Variants in CNTNAP5 observed in about 807,000 individuals in gnomAD.
CNTNAP5 encodes the protein contactin associated protein family member 5, also known as contactin-associated protein-like 5.
Under a neutral mutation model 150.2 loss-of-function variants are expected in CNTNAP5, and 72 were observed. The ratio of observed to expected loss-of-function variants is 0.48; its 90% CI spans 0.40 to 0.58. CNTNAP5 has a LOEUF of 0.58. Ranked by LOEUF, CNTNAP5 falls within the 20% of genes least tolerant of loss-of-function variation. The pLI, the probability that CNTNAP5 is intolerant of heterozygous loss-of-function variation, is 0.00. For synonymous variants in CNTNAP5, 672 were observed against 619.8 expected (o/e 1.08, Z -1.25); for missense variants, 1,636 against 1,626.2 (o/e 1.01, Z -0.10).
At chr2:124,340,782 T>C (rs1251041549) in intron 3 of CNTNAP5, among the ~76,000 whole-genome samples, 1 of 144,534 alleles carries the variant, frequency 6.9e-6, no homozygotes, top group South Asian at 2.1e-4. Flanking sequence ...ACTATATATA[T>C]ACACATACAT....
In CNTNAP5 at chr2:124,115,493, G is replaced by A. The variant is rs138548585; in HGVS notation, c.82+89761G>A. 7.7e-3 allele frequency among the ~76,000 whole-genome samples: 1,166 copies of A among 152,176 alleles called. 10 individuals are homozygous for A. Among genetic ancestry groups the A allele is most frequent in the African/African-American group, 0.026 (1,085 of 41,530 alleles). ...AGTAATACGTTTTGAAAACAAAATC[G>A]AGTGGGCTGCTGGCAGAGCTATAGG... On this transcript the variant is annotated intron_variant, in intron 1 of 23. Coordinates refer to ENST00000682447, the MANE Select transcript of CNTNAP5 (RefSeq NM_001367498.1).
At chr2:124,215,868 C>T (rs1398969196) in intron 1 of CNTNAP5, among the ~76,000 whole-genome samples, 8 of 152,150 alleles carry the variant, frequency 5.3e-5, no homozygotes, top group East Asian at 1.9e-4. Flanking sequence ...ATAAATAATA[C>T]TACTACTAAT....
chr2:124,344,730 C>T (rs959553727), intron 3 of CNTNAP5, among the ~76,000 whole-genome samples: 47 of 152,226 alleles, frequency 3.1e-4, no homozygotes, highest in Admixed American at 2.2e-3. Flanking sequence ...CACTGCAGCA[C>T]GGGTGACAGA....
intron 13 of CNTNAP5, among the ~76,000 whole-genome samples, chr2:124,676,299 T>G (rs66814044): frequency 0.23 from 35,550 of 152,030 alleles, 4,605 homozygotes; most frequent in African/African-American, 0.35. Context: ...GAAACTAAGG[T>G]TTTTTTGGTT....
At chr2:124,108,177 G>A (rs987185932) in intron 1 of CNTNAP5, among the ~76,000 whole-genome samples, 1 of 151,984 alleles carries the variant, frequency 6.6e-6, no homozygotes, top group East Asian at 1.9e-4. Flanking sequence ...AGTATTTTAG[G>A]GTAAAAATCT....
chr2:124,273,384 T>C (rs900648435), intron 3 of CNTNAP5, among the ~76,000 whole-genome samples: 4 of 152,300 alleles, frequency 2.6e-5, no homozygotes, highest in East Asian at 1.9e-4. Context: ...AAGAGAAAGA[T>C]GGACATCCAG....
At chr2:124,798,410 C>G (rs1681894964) in intron 19 of CNTNAP5, 90 bp downstream of exon 19, 2 of 915,748 alleles carry the variant, frequency 2.2e-6, no homozygotes, top group South Asian at 3.0e-5. Flanking sequence ...ATTTCAACCT[C>G]AAGTTGGTCC....
chr2:124,627,638 C>T (rs978492040), intron 12 of CNTNAP5, among the ~76,000 whole-genome samples: 2 of 152,010 alleles, frequency 1.3e-5, no homozygotes, highest in Non-Finnish European at 2.9e-5. Flanking sequence ...CTGAAAAATC[C>T]CAAAAGTCAA....
At chr2:124,711,275 A>C (rs1235071720) in intron 13 of CNTNAP5, among the ~76,000 whole-genome samples, 1 of 145,668 alleles carries the variant, frequency 6.9e-6, no homozygotes, top group Admixed American at 6.8e-5. Flanking sequence ...CATCTCAAAA[A>C]TAAAAAATAA....
chr2:124,604,494 A>G (rs1372748382), intron 11 of CNTNAP5, among the ~76,000 whole-genome samples: 2 of 152,238 alleles, frequency 1.3e-5, no homozygotes, highest in Admixed American at 6.5e-5. Flanking sequence ...CTAGGGAAAC[A>G]TTTCAGCATT....
At chr2:124,557,259 CCT>C (rs574995681) in intron 10 of CNTNAP5, among the ~76,000 whole-genome samples, 44 of 133,536 alleles carry the variant, frequency 3.3e-4, no homozygotes, top group African/African-American at 1.1e-3. Flanking sequence ...GTTTCTCTTC[CCT>C]CTCTCAATTG....
chr2:124,237,074 A>G (rs1686768625), intron 2 of CNTNAP5, among the ~76,000 whole-genome samples: 1 of 152,132 alleles, frequency 6.6e-6, no homozygotes, highest in Admixed American at 6.5e-5. Context: ...AGTTGCAGTG[A>G]GCCGAAATCA....
chr2:124,241,852 T>C (rs1249929556), intron 2 of CNTNAP5, among the ~76,000 whole-genome samples: 1 of 152,146 alleles, frequency 6.6e-6, no homozygotes, highest in East Asian at 1.9e-4. Context: ...CATGTAAGCC[T>C]AGTTCATATA....
At chr2:124,854,533 A>T in intron 19 of CNTNAP5, among the ~76,000 whole-genome samples, 1 of 152,210 alleles carries the variant, frequency 6.6e-6, no homozygotes, top group East Asian at 1.9e-4. Flanking sequence ...CTAGATTATA[A>T]GGTCTTTGAA....
At chr2:124,125,582 C>T (rs1320332472) in intron 1 of CNTNAP5, among the ~76,000 whole-genome samples, 7 of 152,170 alleles carry the variant, frequency 4.6e-5, no homozygotes, top group Non-Finnish European at 8.8e-5. Context: ...ATCTACAGAA[C>T]TCTCCACCCC....
At chr2:124,376,914 C>T (rs1449155038) in intron 3 of CNTNAP5, among the ~76,000 whole-genome samples, 2 of 152,100 alleles carry the variant, frequency 1.3e-5, no homozygotes, top group African/African-American at 4.8e-5. Context: ...TTTTCTTCAA[C>T]TCATTTCCTG....
At chr2:124,286,014 G>T (rs533784090) in intron 3 of CNTNAP5, among the ~76,000 whole-genome samples, 17 of 152,222 alleles carry the variant, frequency 1.1e-4, no homozygotes, top group Admixed American at 3.3e-4. Context: ...TTTTCATTGA[G>T]TCAATACTTA....
At chr2:124,786,533 G>GAAAGAAAGAAAGAAAGAAAGAAA (rs371759130) in intron 17 of CNTNAP5, among the ~76,000 whole-genome samples, 1 of 136,438 alleles carries the variant, frequency 7.3e-6, no homozygotes, top group African/African-American at 3.1e-5. Flanking sequence ...GAGAAAGAAA[G>GAAAGAAAGAAAGAAAGAAAGAAA]GAAAGAAAGA....
chr2:124,778,427 C>G (rs1422234359), intron 17 of CNTNAP5: 1 of 152,448 alleles, frequency 6.6e-6, no homozygotes, highest in Non-Finnish European at 1.5e-5. Context: ...AACACATGCA[C>G]AAGTGGTGTC....
Sources: gnomAD v4.1 joint callset for allele counts (sites outside exome capture counted in the v4.1 genomes callset) on GRCh38, gnomAD v4.1.1 for gene constraint, MANE v1.5 for transcripts, NCBI Gene and HGNC (gene_info 2026-07-23, HGNC 2026-07-21) for gene names.